The following CDH18 variants were observed in gnomAD, a reference collection of about 807,000 sequenced individuals.
CDH18 encodes the protein cadherin-18.
A neutral mutation model predicts 67.9 loss-of-function variants in CDH18; 31 were observed. That is an observed-to-expected ratio of 0.46 (90% CI 0.34 to 0.62). The LOEUF is 0.62. Among genes scored for constraint, CDH18 ranks in the 20% least tolerant of loss-of-function variants. CDH18 has a pLI of 0.01. For synonymous variants in CDH18, 362 were observed against 347.2 expected (o/e 1.04, Z -0.48); for missense variants, 890 against 975.5 (o/e 0.91, Z 1.17).
chr5:19,488,938 G>A (rs1740833875), intron 11 of CDH18, among the ~76,000 whole-genome samples: 1 of 151,958 alleles, frequency 6.6e-6, no homozygotes, highest in South Asian at 2.1e-4. Context: ...AAACATCCTT[G>A]TGGCCTTACT....
intron 1 of CDH18, among the ~76,000 whole-genome samples, chr5:20,312,174 A>C (rs899557835): frequency 1.3e-5 from 2 of 152,190 alleles, no homozygotes; most frequent in Non-Finnish European, 2.9e-5. Context: ...ATAGGAAACA[A>C]AGTCCTCAGC....
intron 2 of CDH18, among the ~76,000 whole-genome samples, chr5:19,933,239 C>A (rs561527780): frequency 6.6e-6 from 1 of 151,408 alleles, no homozygotes; most frequent in Non-Finnish European, 1.5e-5. Context: ...CCACATTTGC[C>A]CACCTACTTA....
intron 7 of CDH18, among the ~76,000 whole-genome samples, chr5:19,587,579 T>G (rs1245319194): frequency 6.6e-6 from 1 of 152,070 alleles, no homozygotes; most frequent in Non-Finnish European, 1.5e-5. Context: ...TTTGTCAGGT[T>G]TGTCAAAGAT....
At chr5:19,750,442 T>C (rs1164135170) in intron 3 of CDH18, among the ~76,000 whole-genome samples, 1 of 152,200 alleles carries the variant, frequency 6.6e-6, no homozygotes, top group East Asian at 1.9e-4. Flanking sequence ...ATAAGGGTAG[T>C]TGCAGACACA....
At chr5:19,593,805 C>T (rs1745731262) in intron 6 of CDH18, among the ~76,000 whole-genome samples, 1 of 145,688 alleles carries the variant, frequency 6.9e-6, no homozygotes, top group African/African-American at 2.5e-5. Flanking sequence ...TGGAAATAAG[C>T]CTTTTAGCAG....
chr5:19,620,809 T>C (rs538292927), intron 5 of CDH18, among the ~76,000 whole-genome samples: 4 of 152,232 alleles, frequency 2.6e-5, no homozygotes, highest in South Asian at 4.1e-4. Context: ...GATAAAATCA[T>C]AGGGCTGCCC....
chr5:20,025,706 T>C (rs528803946), intron 2 of CDH18, among the ~76,000 whole-genome samples: 3 of 152,334 alleles, frequency 2.0e-5, no homozygotes, highest in African/African-American at 7.2e-5. Flanking sequence ...TTAAATACTA[T>C]AATTTTCTCT....
intron 11 of CDH18, among the ~76,000 whole-genome samples, chr5:19,493,007 C>T (rs1331887336): frequency 6.6e-6 from 1 of 152,156 alleles, no homozygotes; most frequent in Non-Finnish European, 1.5e-5. Flanking sequence ...ACATTTCCCT[C>T]TCTAGATTTT....
chr5:20,361,001 A>T (rs946060367), intron 1 of CDH18, among the ~76,000 whole-genome samples: 17 of 152,124 alleles, frequency 1.1e-4, no homozygotes, highest in Middle Eastern at 3.3e-3. Flanking sequence ...CACACAATAA[A>T]ATACCAAGAG....
At chr5:20,000,870 C>A (rs1736386961) in intron 2 of CDH18, among the ~76,000 whole-genome samples, 1 of 151,982 alleles carries the variant, frequency 6.6e-6, no homozygotes, top group African/African-American at 2.4e-5. Context: ...GTCTGAAGAG[C>A]TGATCAGAAA....
chr5:20,346,926 G>A (rs930445539), intron 1 of CDH18, among the ~76,000 whole-genome samples: 2 of 152,170 alleles, frequency 1.3e-5, no homozygotes, highest in Non-Finnish European at 2.9e-5. Flanking sequence ...ATGGATCACA[G>A]AATAGACCTT....
chr5:20,095,722 C>T (rs1305371006), intron 2 of CDH18, among the ~76,000 whole-genome samples: 11 of 146,454 alleles, frequency 7.5e-5, no homozygotes, highest in African/African-American at 1.5e-4. Flanking sequence ...TCATAGGAGA[C>T]GATCAAAATT....
At chr5:19,725,510 C>T (rs974464887) in intron 4 of CDH18, among the ~76,000 whole-genome samples, 1 of 152,162 alleles carries the variant, frequency 6.6e-6, no homozygotes, top group Non-Finnish European at 1.5e-5. Flanking sequence ...TGGCTCACGC[C>T]TGTAATCCCA....
Position 20,015,466 on chromosome 5 carries a change from G to T in CDH18, c.-517-23452C>A, listed in dbSNP as rs115550898. On this transcript the variant is annotated intron_variant, in intron 2 of 14. Transcript: ENST00000507958. ...CAAAATGGAAGACTGGTTCATCAAG[G>T]TGTTGCAGCCTAGAAAAACTTAGAA... Among the ~76,000 whole-genome samples, 917 of 152,236 alleles carry T rather than the reference G, an allele frequency of 6.0e-3. 5 individuals carry two copies. The highest frequency in any genetic ancestry group is 9.4e-3 in the Non-Finnish European group (639 of 67,986).
intron 2 of CDH18, among the ~76,000 whole-genome samples, chr5:19,885,046 A>C (rs1788054662): frequency 6.6e-6 from 1 of 152,196 alleles, no homozygotes; most frequent in South Asian, 2.1e-4. Context: ...ACTAATCAAC[A>C]TACATTTATC....
intron 2 of CDH18, among the ~76,000 whole-genome samples, chr5:20,207,972 A>G (rs1740045196): frequency 6.6e-6 from 1 of 152,070 alleles, no homozygotes; most frequent in South Asian, 2.1e-4. Context: ...ACAAACATAA[A>G]CACCAACTGA....
intron 2 of CDH18, among the ~76,000 whole-genome samples, chr5:20,085,792 C>G (rs964828467): frequency 1.3e-5 from 2 of 152,108 alleles, no homozygotes; most frequent in African/African-American, 4.8e-5. Context: ...AAGACTTGCC[C>G]CCATGATTCA....
intron 1 of CDH18, among the ~76,000 whole-genome samples, chr5:20,277,289 A>C (rs1189256607): frequency 1.3e-5 from 2 of 152,032 alleles, no homozygotes; most frequent in Non-Finnish European, 2.9e-5. Flanking sequence ...CCCCCAACTC[A>C]AGGCAACTCA....
At chr5:19,482,720 C>T (rs2126587608) in intron 12 of CDH18, among the ~76,000 whole-genome samples, 1 of 152,244 alleles carries the variant, frequency 6.6e-6, no homozygotes, top group East Asian at 1.9e-4. Context: ...ATGTTTCTGT[C>T]ATCTCACGTA....
Sources: allele counts gnomAD v4.1 joint callset (sites outside exome capture counted in the v4.1 genomes callset), GRCh38; gene constraint gnomAD v4.1.1; transcripts MANE v1.5; gene names NCBI Gene and HGNC (gene_info 2026-07-23, HGNC 2026-07-21).